Variants in DENND2A observed in about 807,000 individuals in gnomAD.
DENND2A encodes DENN domain containing 2A.
A neutral mutation model predicts 105.3 loss-of-function variants in DENND2A; 53 were observed. That is an observed-to-expected ratio of 0.50 (90% CI 0.40 to 0.63). The LOEUF is 0.63. Ranked by LOEUF, DENND2A falls within the 30% of genes least tolerant of loss-of-function variation. The pLI, the probability that DENND2A is intolerant of heterozygous loss-of-function variation, is 0.00. For synonymous variants in DENND2A, 522 were observed against 508.4 expected (o/e 1.03, Z -0.36); for missense variants, 1,138 against 1,279.6 (o/e 0.89, Z 1.69).
intron 12 of DENND2A, among the ~76,000 whole-genome samples, chr7:140,553,982 C>T (rs537782595): frequency 1.4e-4 from 22 of 152,308 alleles, no homozygotes; most frequent in Admixed American, 3.3e-4. Flanking sequence ...AATCCCAGCA[C>T]TTAGGGAGGC....
In DENND2A at chr7:140,600,566, T is replaced by C. The variant is rs78818827; in HGVS notation, c.995+837A>G. 0.014 allele frequency among the ~76,000 whole-genome samples: 2,178 copies of C among 152,166 alleles called. 145 individuals are homozygous for C. In the East Asian group the frequency reaches 0.22, roughly 15 times the overall value. On this transcript the variant is annotated intron_variant, in intron 3 of 19. Coordinates refer to ENST00000496613, the MANE Select transcript of DENND2A (RefSeq NM_015689.5). The stretch of plus-strand genomic sequence containing the variant: ...AAGTCAACAGGTGTTCCTCGAATAC[T>C]GAGAGGGGCCAATTAAGAAAAAAAC...
At chr7:140,624,945 C>T (rs1161163257) in intron 1 of DENND2A, among the ~76,000 whole-genome samples, 11 of 147,188 alleles carry the variant, frequency 7.5e-5, no homozygotes, top group South Asian at 4.3e-4. Flanking sequence ...AATACAGCTT[C>T]GACCTTATGT....
intron 1 of DENND2A, among the ~76,000 whole-genome samples, chr7:140,630,577 G>C (rs575521806): frequency 1.3e-5 from 2 of 152,134 alleles, no homozygotes; most frequent in Non-Finnish European, 2.9e-5. Flanking sequence ...AACAGGCTGG[G>C]CTCACACCTG....
chr7:140,529,478 A>G (rs1194249236), intron 14 of DENND2A, among the ~76,000 whole-genome samples: 1 of 152,202 alleles, frequency 6.6e-6, no homozygotes, highest in African/African-American at 2.4e-5. Context: ...TCATGCTGCT[A>G]TAAAGGCCTG....
intron 16 of DENND2A, among the ~76,000 whole-genome samples, chr7:140,525,488 T>C (rs1439278365): frequency 6.6e-6 from 1 of 152,166 alleles, no homozygotes; most frequent in African/African-American, 2.4e-5. Flanking sequence ...GTGCCTATAG[T>C]TATAAGATTA....
At chr7:140,539,781 C>T (rs1252423961) in intron 14 of DENND2A, among the ~76,000 whole-genome samples, 3 of 152,234 alleles carry the variant, frequency 2.0e-5, no homozygotes, top group African/African-American at 7.2e-5. Flanking sequence ...GCTTTGCTCA[C>T]GCGTTGTTTA....
chr7:140,625,471 G>A (rs1472799266), intron 1 of DENND2A, among the ~76,000 whole-genome samples: 1 of 152,176 alleles, frequency 6.6e-6, no homozygotes, highest in Non-Finnish European at 1.5e-5. Flanking sequence ...CTTGAGGTCA[G>A]GAGTTTGAGA....
chr7:140,567,077 C>A lies in DENND2A; in HGVS notation c.1779+9G>T. On this transcript the variant is annotated intron_variant, in intron 9 of 19. Coordinates refer to ENST00000496613, the MANE Select transcript of DENND2A (RefSeq NM_015689.5). ...CTGGCAGGCCACAGGGACCTGGCCA[C>A]CCTGTTACCTTCAGAGGGAACTGTT... The A allele has an allele frequency of 6.4e-7, 1 of 1,571,610 alleles. No individual in the cohort carries two copies. Among genetic ancestry groups the A allele is most frequent in the Non-Finnish European group, 8.6e-7 (1 of 1,156,906 alleles).
chr7:140,592,598 C>CCT (rs745373615), intron 3 of DENND2A, among the ~76,000 whole-genome samples: 1 of 144,186 alleles, frequency 6.9e-6, no homozygotes, highest in Non-Finnish European at 1.5e-5. Flanking sequence ...GTGCCCTGCC[C>CCT]TTTTTTTTTT....
chr7:140,591,866 C>T (rs1174033015), intron 3 of DENND2A, among the ~76,000 whole-genome samples: 1 of 117,134 alleles, frequency 8.5e-6, no homozygotes, highest in African/African-American at 3.8e-5. Context: ...CTTCCCTTCC[C>T]TTTCCTTCCT....
chr7:140,529,725 T>C (rs1423241195), intron 14 of DENND2A, among the ~76,000 whole-genome samples: 1 of 149,718 alleles, frequency 6.7e-6, no homozygotes, highest in South Asian at 2.1e-4. Flanking sequence ...TTCTCACTCA[T>C]AGGTGGGAAT....
intron 12 of DENND2A, among the ~76,000 whole-genome samples, chr7:140,555,156 C>T (rs1339102433): frequency 2.8e-5 from 4 of 143,864 alleles, no homozygotes; most frequent in Middle Eastern, 3.6e-3. Context: ...TTTTTTGAGA[C>T]GGAGTCTCAC....
intron 6 of DENND2A, among the ~76,000 whole-genome samples, chr7:140,571,011 G>A (rs1262316192): frequency 6.6e-6 from 1 of 152,148 alleles, no homozygotes; most frequent in African/African-American, 2.4e-5. Context: ...ACACGTGGAG[G>A]AACTCTAAAA....
At chr7:140,613,612 A>G (rs1221178602) in intron 1 of DENND2A, among the ~76,000 whole-genome samples, 2 of 151,176 alleles carry the variant, frequency 1.3e-5, no homozygotes. Context: ...AAAATAGTTT[A>G]GGCTACTCTG....
Position 140,597,992 on chromosome 7 carries a change from C to T in DENND2A, c.995+3411G>A, listed in dbSNP as rs1799347208. 2.0e-5 allele frequency among the ~76,000 whole-genome samples: 3 copies of T among 150,860 alleles called. No homozygotes were observed. In the South Asian group the frequency reaches 6.3e-4, roughly 32 times the overall value. On this transcript the variant is annotated intron_variant, in intron 3 of 19. Coordinates refer to ENST00000496613, the MANE Select transcript of DENND2A (RefSeq NM_015689.5). ...AAACTCAAACCTAGTAAAGATAGTG[C>T]AATCATCCTGTATGTATTCTGCAAA...
intron 9 of DENND2A, among the ~76,000 whole-genome samples, chr7:140,565,241 G>A (rs535480928): frequency 1.3e-5 from 2 of 152,124 alleles, no homozygotes; most frequent in Admixed American, 1.3e-4. Context: ...GAGTGGGCAA[G>A]GACAGAAGCT....
intron 1 of DENND2A, among the ~76,000 whole-genome samples, chr7:140,615,374 T>C (rs1455006991): frequency 6.6e-6 from 1 of 152,178 alleles, no homozygotes; most frequent in Non-Finnish European, 1.5e-5. Context: ...TTGGCAAAAC[T>C]GCGGCCTGCA....
intron 3 of DENND2A, among the ~76,000 whole-genome samples, chr7:140,593,648 G>A (rs562610039): frequency 7.9e-5 from 12 of 152,272 alleles, no homozygotes; most frequent in Admixed American, 7.2e-4. Flanking sequence ...CCATCCAAAG[G>A]TTTAGGTCTG....
chr7:140,558,212 A>T lies in DENND2A; in HGVS notation c.1890T>A (p.Ser630Arg). ...KDWVPVQQFTSETFSFVLTGE... is the reference protein window; with the variant it reads ...KDWVPVQQFTRETFSFVLTGE... ...CAGTTAAGACAAATGAGAATGTTTC[A>T]CTGTGGTTGGGAAAACACAAATGTA... Residue 630 changes from serine to arginine, a missense_variant and splice_region_variant, in exon 11 of 20, where the codon AGT (serine) becomes AGA (arginine). Coordinates refer to ENST00000496613, the MANE Select transcript of DENND2A (RefSeq NM_015689.5). The T allele has an allele frequency of 6.2e-7, 1 of 1,612,590 alleles. No individual in the cohort carries two copies. The highest frequency in any genetic ancestry group is 1.1e-5 in the South Asian group (1 of 91,038).
Sources: gnomAD v4.1 joint callset for allele counts (sites outside exome capture counted in the v4.1 genomes callset) on GRCh38, gnomAD v4.1.1 for gene constraint, MANE v1.5 for transcripts, NCBI Gene and HGNC (gene_info 2026-07-23, HGNC 2026-07-21) for gene names.